Variants in SLIT3 observed in about 807,000 individuals in gnomAD.
The protein encoded by SLIT3 is slit guidance ligand 3, also known as slit homolog 3 protein.
A neutral mutation model predicts 184.0 loss-of-function variants in SLIT3; 68 were observed. The observed-to-expected ratio is 0.37, with a 90% CI of 0.30 to 0.45. The LOEUF (loss-of-function observed/expected upper bound fraction) is 0.45, where lower values mean the gene tolerates loss of function less well. Ranked by LOEUF, SLIT3 falls within the 20% of genes least tolerant of loss-of-function variation. SLIT3 has a pLI of 1.00. For synonymous variants in SLIT3, 831 were observed against 828.6 expected (o/e 1.00, Z -0.05); for missense variants, 1,707 against 2,026.0 (o/e 0.84, Z 3.02).
chr5:169,009,345 G>A (rs868344438), intron 4 of SLIT3, among the ~76,000 whole-genome samples: 7 of 152,210 alleles, frequency 4.6e-5, no homozygotes, highest in African/African-American at 1.4e-4. Flanking sequence ...ATCTCTGCAA[G>A]GCTCTCAGAA....
At chr5:169,164,159 G>C (rs887730489) in intron 4 of SLIT3, among the ~76,000 whole-genome samples, 1 of 152,122 alleles carries the variant, frequency 6.6e-6, no homozygotes, top group African/African-American at 2.4e-5. Flanking sequence ...CCACACATTC[G>C]AAAGTCTGGT....
intron 4 of SLIT3, among the ~76,000 whole-genome samples, chr5:169,104,274 A>G (rs1760121424): frequency 6.6e-6 from 1 of 152,150 alleles, no homozygotes; most frequent in Non-Finnish European, 1.5e-5. Context: ...GTGCATGTTT[A>G]CATCTAGGCC....
rs1582529046 is a variant in SLIT3 at position 168,686,842 on chromosome 5, G to T, written c.3314+137C>A. On this transcript the variant is annotated intron_variant, in intron 30 of 35. Coordinates refer to ENST00000519560, the MANE Select transcript of SLIT3 (RefSeq NM_003062.4). ...ATGTAAGGACTGCAAAGGTATCAGGGGAATAAAGGCATCACCCAGAACCGG... is the reference window on the plus strand; with the variant it reads ...ATGTAAGGACTGCAAAGGTATCAGGTGAATAAAGGCATCACCCAGAACCGG... 34 of 929,570 alleles carry T rather than the reference G, an allele frequency of 3.7e-5. No individual in the cohort carries two copies. The East Asian group carries it at 8.1e-4, about 22-fold the overall frequency. 57.6% of individuals were successfully genotyped at this position (929,570 alleles called of 1,614,324 possible).
intron 4 of SLIT3, among the ~76,000 whole-genome samples, chr5:168,886,299 C>T (rs1407052612): frequency 6.6e-6 from 1 of 152,106 alleles, no homozygotes; most frequent in Non-Finnish European, 1.5e-5. Context: ...ACTGATGGGG[C>T]GTGGAGGAGG....
At chr5:168,748,469 G>A (rs748844517) in intron 19 of SLIT3, 35 bp from the exon 20 acceptor site, 2 of 1,502,688 alleles carry the variant, frequency 1.3e-6, no homozygotes, top group Non-Finnish European at 1.7e-6. Context: ...AGGGTTGTGG[G>A]AGATAAGCCC....
At chr5:168,701,946 G>A (rs1762229544) in intron 26 of SLIT3, among the ~76,000 whole-genome samples, 1 of 152,224 alleles carries the variant, frequency 6.6e-6, no homozygotes, top group Non-Finnish European at 1.5e-5. Flanking sequence ...GAAGGCCTTG[G>A]GCCCAGGACA....
chr5:168,798,125 A>G (rs1756633636), intron 9 of SLIT3, among the ~76,000 whole-genome samples: 1 of 151,956 alleles, frequency 6.6e-6, no homozygotes, highest in African/African-American at 2.4e-5. Flanking sequence ...AAAGAATTCC[A>G]GGCTTAGCCT....
intron 3 of SLIT3, among the ~76,000 whole-genome samples, chr5:169,216,620 A>G (rs915249123): frequency 6.6e-6 from 1 of 152,164 alleles, no homozygotes; most frequent in Admixed American, 6.5e-5. Context: ...TGTAATGTTA[A>G]ACCCCAAAGG....
intron 11 of SLIT3, among the ~76,000 whole-genome samples, chr5:168,787,461 T>C (rs1756197239): frequency 6.6e-6 from 1 of 152,212 alleles, no homozygotes; most frequent in South Asian, 2.1e-4. Context: ...CCCCAGGTCT[T>C]GGCTTGACTA....
intron 1 of SLIT3, among the ~76,000 whole-genome samples, chr5:169,270,172 TCCCCAA>T (rs1766549288): frequency 6.6e-6 from 1 of 152,134 alleles, no homozygotes; most frequent in South Asian, 2.1e-4. Context: ...AGCAGCAGTG[TCCCCAA>T]GTCATCCAGC....
intron 4 of SLIT3, among the ~76,000 whole-genome samples, chr5:168,915,126 C>T (rs764523970): frequency 5.3e-5 from 8 of 152,040 alleles, no homozygotes; most frequent in Non-Finnish European, 1.2e-4. Flanking sequence ...AGCTTTTATC[C>T]GGTCTTTCCC....
chr5:168,972,628 C>T (rs996678604), intron 4 of SLIT3, among the ~76,000 whole-genome samples: 4 of 152,022 alleles, frequency 2.6e-5, no homozygotes, highest in African/African-American at 9.7e-5. Flanking sequence ...GCAGGGATGA[C>T]ACGAGATGGC....
intron 8 of SLIT3, among the ~76,000 whole-genome samples, chr5:168,816,161 A>C (rs569106910): frequency 2.0e-5 from 3 of 152,244 alleles, no homozygotes; most frequent in East Asian, 3.9e-4. Context: ...AAAGCAAACA[A>C]CTAAAATTTG....
intron 3 of SLIT3, among the ~76,000 whole-genome samples, chr5:169,217,248 C>T (rs1764469376): frequency 1.3e-5 from 2 of 151,870 alleles, no homozygotes; most frequent in African/African-American, 2.4e-5. Context: ...AGACAGCAAG[C>T]AGGGTGTAAA....
intron 4 of SLIT3, among the ~76,000 whole-genome samples, chr5:169,095,950 G>T (rs1759762742): frequency 6.6e-6 from 1 of 152,208 alleles, no homozygotes. Context: ...TTCTGTAAAA[G>T]TACTGCAGAT....
chr5:168,794,649 G>A (rs1756503172), intron 10 of SLIT3, among the ~76,000 whole-genome samples: 2 of 152,304 alleles, frequency 1.3e-5, no homozygotes, highest in African/African-American at 4.8e-5. Flanking sequence ...CATACCCTCC[G>A]AGGCTTCTCA....
chr5:168,851,278 G>A (rs1250754363), intron 5 of SLIT3, among the ~76,000 whole-genome samples: 4 of 143,044 alleles, frequency 2.8e-5, no homozygotes, highest in East Asian at 4.2e-4. Context: ...AGCAGAGATC[G>A]CACAACTGCA....
At chr5:168,994,623 C>CCTTT (rs1755447165) in intron 4 of SLIT3, among the ~76,000 whole-genome samples, 1 of 47,074 alleles carries the variant, frequency 2.1e-5, no homozygotes, top group Admixed American at 3.0e-4. Context: ...TGGCATTCTA[C>CCTTT]TTTTTTTTTT....
intron 4 of SLIT3, among the ~76,000 whole-genome samples, chr5:169,163,123 C>T (rs1762530396): frequency 6.6e-6 from 1 of 151,944 alleles, no homozygotes; most frequent in African/African-American, 2.4e-5. Context: ...GTGTTCGAGA[C>T]CAGCCCGGCC....
Sources: gnomAD v4.1 joint callset for allele counts (sites outside exome capture counted in the v4.1 genomes callset) on GRCh38, gnomAD v4.1.1 for gene constraint, MANE v1.5 for transcripts, NCBI Gene and HGNC (gene_info 2026-07-23, HGNC 2026-07-21) for gene names.